NUP98: variants seen among roughly 807,000 people sequenced by gnomAD.
NUP98 encodes the protein nucleoporin 98 and 96 precursor.
A neutral mutation model predicts 191.9 loss-of-function variants in NUP98; 26 were observed. The observed-to-expected ratio is 0.14, with a 90% CI of 0.10 to 0.19. NUP98 has a LOEUF of 0.19. Among genes scored for constraint, NUP98 ranks in the 10% least tolerant of loss-of-function variants. The pLI is 1.00. For synonymous variants in NUP98, 808 were observed against 778.4 expected (o/e 1.04, Z -0.63); for missense variants, 1,941 against 2,178.8 (o/e 0.89, Z 2.17).
intron 3 of NUP98, 52 bp downstream of exon 3, chr11:3,779,104 A>G (rs1589953207): frequency 6.2e-7 from 1 of 1,613,140 alleles, no homozygotes; most frequent in Non-Finnish European, 8.5e-7. Flanking sequence ...CACTAAGTCA[A>G]TTCCTATACT....
At chr11:3,704,740 G>A (rs118129577) in intron 22 of NUP98, among the ~76,000 whole-genome samples, 46 of 152,300 alleles carry the variant, frequency 3.0e-4, no homozygotes, top group Non-Finnish European at 3.8e-4. Flanking sequence ...GTGCAATGAC[G>A]CATACCTGTA....
intron 11 of NUP98, among the ~76,000 whole-genome samples, chr11:3,748,823 G>A (rs1049384631): frequency 3.3e-5 from 5 of 151,974 alleles, no homozygotes; most frequent in African/African-American, 1.2e-4. Flanking sequence ...TATGTTTAGG[G>A]ATCACACTGT....
At chr11:3,785,841 T>C (rs2082123968) in intron 1 of NUP98, among the ~76,000 whole-genome samples, 1 of 151,862 alleles carries the variant, frequency 6.6e-6, no homozygotes, top group Non-Finnish European at 1.5e-5. Context: ...ACTCCAAAAA[T>C]GTAGTAAAAT....
chr11:3,737,245 T>C (rs1171696230), intron 12 of NUP98, among the ~76,000 whole-genome samples: 2 of 144,334 alleles, frequency 1.4e-5, no homozygotes, highest in East Asian at 4.0e-4. Flanking sequence ...TAATCCACAG[T>C]AAAGGAGTGA....
At position 3,698,920 on chromosome 11, in the gene NUP98, T is replaced by G; in HGVS notation, c.4009+162A>C. The G allele has an allele frequency of 4.0e-6, 3 of 752,008 alleles. No individual in the cohort carries two copies. The South Asian group carries it at 5.3e-5, about 13-fold the overall frequency. The allele number at this position is 752,008 out of a possible 1,614,324, so 46.6% of individuals were successfully genotyped here. A position where few individuals can be genotyped will look rare whatever the true frequency, so the allele number is the denominator to read the frequency against. ...CTTGATTAAAAGTTAAATTTTATGT[T>G]ATATTACATATTCCACGGGAACCAG... On this transcript the variant is annotated intron_variant, in intron 25 of 32. Transcript: ENST00000324932.
intron 26 of NUP98, among the ~76,000 whole-genome samples, chr11:3,693,876 G>C (rs2078404197): frequency 6.6e-6 from 1 of 152,158 alleles, no homozygotes; most frequent in Admixed American, 6.5e-5. Context: ...AGTGATAAGA[G>C]AAATGGCTTA....
chr11:3,727,763 C>G (rs1014573432), intron 14 of NUP98, among the ~76,000 whole-genome samples: 55 of 152,206 alleles, frequency 3.6e-4, no homozygotes, highest in African/African-American at 1.3e-3. Flanking sequence ...ATGGCGTGCA[C>G]TTATAGTCCC....
Position 3,768,751 on chromosome 11 carries a change from G to C in NUP98, c.785-7C>G. 1 of 1,469,728 alleles carries C rather than the reference G, an allele frequency of 6.8e-7. No individual in the cohort carries two copies. The highest frequency in any genetic ancestry group is 1.9e-4 in the Middle Eastern group (1 of 5,284). The allele number at this position is 1,469,728 out of a possible 1,614,324, so 91.0% of individuals were successfully genotyped here. On this transcript the variant is annotated splice_polypyrimidine_tract_variant and splice_region_variant and intron_variant, in intron 7 of 32. Coordinates refer to ENST00000324932, the MANE Select transcript of NUP98 (RefSeq NM_016320.5). ...GTTCCAAATCCAGTTGTACCTTTTAGGAAAAAGAAAAAAAAAAGAAAAAAG... is the reference window on the plus strand; with the variant it reads ...GTTCCAAATCCAGTTGTACCTTTTACGAAAAAGAAAAAAAAAAGAAAAAAG...
chr11:3,723,547 G>A (rs2079490233), intron 15 of NUP98, 92 bp from the exon 16 acceptor site: 1 of 1,021,098 alleles, frequency 9.8e-7, no homozygotes, highest in Non-Finnish European at 1.5e-6. Context: ...TAAGTGCCTG[G>A]CACTGTTCTG....
At chr11:3,769,680 G>A (rs888062923) in intron 7 of NUP98, among the ~76,000 whole-genome samples, 11 of 151,890 alleles carry the variant, frequency 7.2e-5, no homozygotes, top group South Asian at 4.1e-4. Context: ...AGGCTGAGAC[G>A]GGTGATCACC....
rs1055045685 is a variant in NUP98 at position 3,797,413 on chromosome 11, G to T, written c.-42C>A. 7.4e-6 allele frequency: 3 copies of T among 403,948 alleles called. No individual in the cohort carries two copies. In the East Asian group the frequency reaches 1.1e-4, roughly 14 times the overall value. 25.0% of individuals were successfully genotyped at this position (403,948 alleles called of 1,614,324 possible). On this transcript the variant is annotated 5_prime_UTR_variant, in exon 1 of 33. Transcript: ENST00000324932. ...CTCCCGACTTACCGCGGTTCGGTGG[G>T]GAAGGGGAAGTGTCAGGAGTCCCCT...
In NUP98 at chr11:3,699,074, T is replaced by C. The variant is rs746015174; in HGVS notation, c.4009+8A>G. ...GAGGCGCAGAGAAGGACCATATGCC[T>C]TCCCCACCTGACTGCTGGGCCAGAG... is the stretch of plus-strand genomic sequence containing the variant. On this transcript the variant is annotated splice_region_variant and intron_variant, in intron 25 of 32. Coordinates refer to ENST00000324932, the MANE Select transcript of NUP98 (RefSeq NM_016320.5). The C allele has an allele frequency of 2.2e-5, 35 of 1,611,900 alleles. No individual in the cohort carries two copies. The South Asian group carries it at 3.8e-4, about 18-fold the overall frequency.
Position 3,791,465 on chromosome 11 carries a change from C to T in NUP98, c.-29+5935G>A, listed in dbSNP as rs575898688. ...AGGAGAATCAGTGGAACCCAGAAGGCGGAGGTTGCAGTGAGTTGAGATCCC... is the reference window on the plus strand; with the variant it reads ...AGGAGAATCAGTGGAACCCAGAAGGTGGAGGTTGCAGTGAGTTGAGATCCC... On this transcript the variant is annotated intron_variant, in intron 1 of 32. Coordinates refer to ENST00000324932, the MANE Select transcript of NUP98 (RefSeq NM_016320.5). Among the ~76,000 whole-genome samples, 23 of 133,460 alleles carry T rather than the reference C, an allele frequency of 1.7e-4. No individual in the cohort carries two copies. In the South Asian group the frequency reaches 2.9e-3, roughly 17 times the overall value. 87.6% of individuals were successfully genotyped at this position (133,460 alleles called of 152,430 possible).
chr11:3,699,264 G>A lies in NUP98; in HGVS notation c.3827C>T (p.Pro1276Leu). 1.9e-6 allele frequency: 3 copies of A among 1,614,158 alleles called. No individual in the cohort carries two copies. Among genetic ancestry groups the A allele is most frequent in the Non-Finnish European group, 2.5e-6 (3 of 1,180,030 alleles). ...CTCCAGAATTTGAATGTATTCACGGGGTTCATTTAGCTGGCTGTCAAGCTC... is the reference window on the plus strand; with the variant it reads ...CTCCAGAATTTGAATGTATTCACGGAGTTCATTTAGCTGGCTGTCAAGCTC... ...LKELDSQLNE[P>L]REYIQILERR... is the part of the protein sequence containing the mutation. The change falls in exon 25 of 33, where the codon CCC becomes CTC. Residue 1276 changes from proline to leucine, a missense_variant. Pro to Leu is a moderately conservative substitution (Grantham distance 98). Transcript: ENST00000324932.
At chr11:3,747,552 C>T (rs141892014) in intron 11 of NUP98, among the ~76,000 whole-genome samples, 5 of 152,096 alleles carry the variant, frequency 3.3e-5, no homozygotes, top group African/African-American at 4.8e-5. Context: ...ACACATGGGG[C>T]GGGAGAAAAT....
chr11:3,710,251 G>A (rs759362409), intron 20 of NUP98, among the ~76,000 whole-genome samples: 9 of 152,118 alleles, frequency 5.9e-5, no homozygotes, highest in Non-Finnish European at 1.2e-4. Context: ...TCTAACCACA[G>A]AACAAAATAC....
Position 3,679,595 on chromosome 11 carries a change from C to T in NUP98, c.5032G>A (p.Asp1678Asn). 1 of 1,614,180 alleles carries T rather than the reference C, an allele frequency of 6.2e-7. No homozygotes were observed. The highest frequency in any genetic ancestry group is 8.5e-7 in the Non-Finnish European group (1 of 1,180,020). The change falls in exon 31 of 33, where the codon GAC (aspartate) becomes AAC (asparagine). Residue 1678 changes from aspartate (D) to asparagine (N), a missense_variant. Physicochemically the swap from Asp to Asn is conservative, Grantham distance 23. Transcript: ENST00000324932. The part of the protein sequence containing the change: ...DWETSGLVYL[D>N]YIRVIEMLRH... Reference sequence around the variant, plus strand: ...AGCATTTCAATGACTCTAATATAGTCCAGGTAAACAAGCCCAGATGTTTCC... The same window carrying T: ...AGCATTTCAATGACTCTAATATAGTTCAGGTAAACAAGCCCAGATGTTTCC...
At chr11:3,676,453 T>C in intron 32 of NUP98, 56 bp downstream of exon 32, 1 of 1,602,820 alleles carries the variant, frequency 6.2e-7, no homozygotes, top group South Asian at 1.1e-5. Flanking sequence ...TGGGGTGTAA[T>C]AATCATAAAA....
chr11:3,679,455 A>C, intron 31 of NUP98, 99 bp downstream of exon 31: 1 of 1,315,868 alleles, frequency 7.6e-7, no homozygotes, highest in Non-Finnish European at 1.1e-6. Flanking sequence ...TATCTCTGTC[A>C]GTGCATTCTC....
Sources: allele counts gnomAD v4.1 joint callset (sites outside exome capture counted in the v4.1 genomes callset), GRCh38; gene constraint gnomAD v4.1.1; transcripts MANE v1.5; gene names NCBI Gene and HGNC (gene_info 2026-07-23, HGNC 2026-07-21).